ENOX1: variants seen among roughly 807,000 people sequenced by gnomAD.
ENOX1 encodes candidate growth-related and time keeping constitutive hydroquinone (NADH) oxidase.
Under a neutral mutation model 82.5 loss-of-function variants are expected in ENOX1, and 42 were observed. The observed-to-expected ratio is 0.51, with a 90% confidence interval of 0.40 to 0.66. ENOX1 has a LOEUF of 0.66. ENOX1 is among the 30% of genes least tolerant of loss of function. ENOX1 has a pLI of 0.00. For synonymous variants in ENOX1, 271 were observed against 282.2 expected, an observed-to-expected ratio of 0.96 and a Z score of 0.40; for missense variants, 608 against 811.6, an observed-to-expected ratio of 0.75 and a Z score of 3.05.
chr13:43,711,325 C>T (rs994486749), intron 1 of ENOX1, among the ~76,000 whole-genome samples: 6 of 151,814 alleles, frequency 4.0e-5, no homozygotes, highest in East Asian at 1.9e-4. Context: ...TACCGTTGTT[C>T]GACATTTGGG....
At chr13:43,657,116 A>G (rs539862499) in intron 2 of ENOX1, among the ~76,000 whole-genome samples, 1 of 152,298 alleles carries the variant, frequency 6.6e-6, no homozygotes, top group Admixed American at 6.5e-5. Flanking sequence ...TTGTCATCTC[A>G]TCTCATAAAA....
intron 11 of ENOX1, among the ~76,000 whole-genome samples, chr13:43,307,133 A>G (rs1412921854): frequency 6.6e-6 from 1 of 152,248 alleles, no homozygotes; most frequent in Non-Finnish European, 1.5e-5. Context: ...TGCTTGGGCA[A>G]TGACTCTGCT....
At chr13:43,607,950 A>G (rs540229468) in intron 2 of ENOX1, among the ~76,000 whole-genome samples, 2 of 152,284 alleles carry the variant, frequency 1.3e-5, no homozygotes, top group Admixed American at 6.5e-5. Flanking sequence ...GGGAGTTGCA[A>G]TGGCTTAAGG....
intron 1 of ENOX1, among the ~76,000 whole-genome samples, chr13:43,713,711 G>T (rs1001434316): frequency 4.6e-5 from 7 of 150,880 alleles, no homozygotes; most frequent in African/African-American, 1.7e-4. Context: ...AGAGGTGTTT[G>T]TAGTATTCTC....
chr13:43,623,945 C>T (rs1240073731), intron 2 of ENOX1, among the ~76,000 whole-genome samples: 1 of 152,096 alleles, frequency 6.6e-6, no homozygotes, highest in African/African-American at 2.4e-5. Flanking sequence ...GATAAATGCC[C>T]AGGAATGCCA....
At chr13:43,278,777 GGTAAA>G (rs1457847942) in intron 12 of ENOX1, among the ~76,000 whole-genome samples, 1 of 151,982 alleles carries the variant, frequency 6.6e-6, no homozygotes, top group South Asian at 2.1e-4. Flanking sequence ...CTAACTGTTA[GGTAAA>G]GTAAAGAAAA....
intron 1 of ENOX1, among the ~76,000 whole-genome samples, chr13:43,732,521 C>T (rs930768761): frequency 8.5e-5 from 13 of 152,132 alleles, no homozygotes; most frequent in East Asian, 3.9e-4. Context: ...TAATGGTGAG[C>T]GCCCAATCAG....
At chr13:43,615,755 C>A (rs946879130) in intron 2 of ENOX1, among the ~76,000 whole-genome samples, 1 of 151,924 alleles carries the variant, frequency 6.6e-6, no homozygotes, top group Admixed American at 6.6e-5. Context: ...CCCTCACCCC[C>A]CGACAGGCCC....
intron 2 of ENOX1, among the ~76,000 whole-genome samples, chr13:43,623,603 C>T (rs374939863): frequency 5.3e-5 from 8 of 152,048 alleles, no homozygotes; most frequent in African/African-American, 9.7e-5. Flanking sequence ...GGTGGTATCC[C>T]GGGTCCACTT....
At chr13:43,566,245 AT>A (rs552339659) in intron 2 of ENOX1, among the ~76,000 whole-genome samples, 1 of 151,922 alleles carries the variant, frequency 6.6e-6, no homozygotes, top group Non-Finnish European at 1.5e-5. Flanking sequence ...TTGACACAAG[AT>A]TTTTTTTAAT....
chr13:43,221,422 C>T (rs2041783296), intron 16 of ENOX1, among the ~76,000 whole-genome samples: 1 of 152,132 alleles, frequency 6.6e-6, no homozygotes, highest in African/African-American at 2.4e-5. Flanking sequence ...TGATAGAAAC[C>T]ATTTTCATCA....
At chr13:43,401,093 CAT>C (rs1275978751) in intron 5 of ENOX1, among the ~76,000 whole-genome samples, 1 of 152,098 alleles carries the variant, frequency 6.6e-6, no homozygotes, top group Non-Finnish European at 1.5e-5. Context: ...GTATTTGGCA[CAT>C]ATTAGGTGCC....
At chr13:43,739,550 AAAT>A (rs2089798035) in intron 1 of ENOX1, among the ~76,000 whole-genome samples, 1 of 148,876 alleles carries the variant, frequency 6.7e-6, no homozygotes, top group Non-Finnish European at 1.5e-5. Flanking sequence ...AGCCTGTCTC[AAAT>A]AATAATAATT....
chr13:43,372,260 A>T (rs1218885588), intron 5 of ENOX1, among the ~76,000 whole-genome samples: 1 of 152,236 alleles, frequency 6.6e-6, no homozygotes, highest in African/African-American at 2.4e-5. Context: ...TTGGAAAATT[A>T]TGGTGATGAT....
chr13:43,751,733 A>T lies in ENOX1; in HGVS notation c.-285+34919T>A, dbSNP rs563988008. On this transcript the variant is annotated intron_variant, in intron 1 of 16. Coordinates refer to ENST00000690772, the MANE Select transcript of ENOX1 (RefSeq NM_001347969.2). ...AGTTCGTTACATTTTACTGCTGAGT[A>T]GTTTCAGCATGGATAGGCTATACTA... is the stretch of plus-strand genomic sequence containing the variant. Among the ~76,000 whole-genome samples, 14 of 152,328 alleles carry T rather than the reference A, an allele frequency of 9.2e-5. No homozygotes were observed. In the East Asian group the frequency reaches 2.5e-3, roughly 27 times the overall value.
chr13:43,711,191 T>C (rs1342493919), intron 1 of ENOX1, among the ~76,000 whole-genome samples: 1 of 151,516 alleles, frequency 6.6e-6, no homozygotes, highest in African/African-American at 2.4e-5. Context: ...GTCCTTGCGA[T>C]AGTTTGCTTA....
chr13:43,403,065 CAT>C (rs2053586695), intron 5 of ENOX1, among the ~76,000 whole-genome samples: 2 of 152,022 alleles, frequency 1.3e-5, no homozygotes, highest in Admixed American at 6.5e-5. Flanking sequence ...AATACATGTA[CAT>C]ATGTCAATAT....
At chr13:43,454,058 G>C (rs1030754395) in intron 3 of ENOX1, among the ~76,000 whole-genome samples, 1 of 152,040 alleles carries the variant, frequency 6.6e-6, no homozygotes, top group Non-Finnish European at 1.5e-5. Context: ...TTTATTTGGG[G>C]TGTGGGAGCA....
At chr13:43,414,156 T>C (rs560577767) in intron 3 of ENOX1, among the ~76,000 whole-genome samples, 12 of 152,278 alleles carry the variant, frequency 7.9e-5, no homozygotes, top group African/African-American at 2.9e-4. Context: ...CACTGCACTG[T>C]CAAAAAGAAC....
Sources: allele counts gnomAD v4.1 joint callset (sites outside exome capture counted in the v4.1 genomes callset), GRCh38; gene constraint gnomAD v4.1.1; transcripts MANE v1.5; gene names NCBI Gene and HGNC (gene_info 2026-07-23, HGNC 2026-07-21).